ZC3H3: variants seen among roughly 807,000 people sequenced by gnomAD.
ZC3H3 encodes the protein zinc finger CCCH domain-containing protein 3.
In ZC3H3, 36 loss-of-function variants were observed where a neutral mutation model predicts 77.3. The ratio of observed to expected loss-of-function variants is 0.47; its 90% CI spans 0.36 to 0.61. The LOEUF (loss-of-function observed/expected upper bound fraction) is 0.61. Ranked by LOEUF, ZC3H3 falls within the 20% of genes least tolerant of loss-of-function variation. ZC3H3 has a pLI of 0.00. For missense variants in ZC3H3, 1,331 were observed against 1,312.2 expected, an observed-to-expected ratio of 1.01 and a Z score of -0.22; for synonymous variants, 626 against 555.2, an observed-to-expected ratio of 1.13 and a Z score of -1.79.
intron 4 of ZC3H3, among the ~76,000 whole-genome samples, chr8:143,486,654 C>T (rs1156755255): frequency 1.3e-5 from 2 of 152,058 alleles, no homozygotes; most frequent in African/African-American, 2.4e-5. Context: ...GAATGGCACC[C>T]GCTACATGAC....
At chr8:143,536,076 C>T (rs1448682250) in intron 3 of ZC3H3, among the ~76,000 whole-genome samples, 181 bp downstream of exon 3, 2 of 152,230 alleles carry the variant, frequency 1.3e-5, no homozygotes, top group Non-Finnish European at 2.9e-5. Flanking sequence ...GACTGCAGGG[C>T]GCAGCATCCG....
chr8:143,444,852 A>G (rs1819828388), intron 9 of ZC3H3, among the ~76,000 whole-genome samples: 1 of 152,216 alleles, frequency 6.6e-6, no homozygotes, highest in African/African-American at 2.4e-5. Flanking sequence ...AAGAAAAAGA[A>G]AGAAAACTTG....
intron 9 of ZC3H3, among the ~76,000 whole-genome samples, chr8:143,445,448 G>C: frequency 6.6e-6 from 1 of 150,750 alleles, no homozygotes; most frequent in African/African-American, 2.4e-5. Context: ...AGGCCAGGGC[G>C]GGAGGGTGGG....
At position 143,502,175 on chromosome 8, in the gene ZC3H3, G is replaced by A. The variant is rs139705909; in HGVS notation, c.1715+5571C>T. ...CCCAGCAACCTGGTCTCAAACGTCC[G>A]GCCCAGGACTGTGAGAAGTCAGCGT... On this transcript the variant is annotated intron_variant, in intron 4 of 11. Transcript: ENST00000262577. Among the ~76,000 whole-genome samples, 109 of 152,360 alleles carry A rather than the reference G, an allele frequency of 7.2e-4. 2 individuals carry two copies. Among genetic ancestry groups the A allele is most frequent in the African/African-American group, 2.5e-3 (104 of 41,582 alleles).
chr8:143,447,674 A>G (rs1044466396), intron 9 of ZC3H3, among the ~76,000 whole-genome samples: 2 of 152,204 alleles, frequency 1.3e-5, no homozygotes, highest in Admixed American at 1.3e-4. Context: ...AGGCCTCAGG[A>G]AGCTTCCAAT....
At chr8:143,531,702 G>A (rs531236280) in intron 3 of ZC3H3, among the ~76,000 whole-genome samples, 18 of 152,182 alleles carry the variant, frequency 1.2e-4, no homozygotes, top group African/African-American at 4.1e-4. Context: ...AAAAATGAAC[G>A]CACCTTGTCC....
intron 5 of ZC3H3, 91 bp downstream of exon 5, chr8:143,475,307 C>G: frequency 3.5e-6 from 5 of 1,429,972 alleles, no homozygotes; most frequent in Non-Finnish European, 4.7e-6. Context: ...GCAGCCACAG[C>G]ATGTTGGAGG....
In ZC3H3 at chr8:143,438,042, G is replaced by A. The variant is rs201332231; in HGVS notation, c.*14C>T. ...TGAGGGTCTGAGGTAGGTGCAGGCCGGTCCCTGGGGTCCTCACAGACGTGG... is the reference window on the plus strand; with the variant it reads ...TGAGGGTCTGAGGTAGGTGCAGGCCAGTCCCTGGGGTCCTCACAGACGTGG... On this transcript the variant is annotated 3_prime_UTR_variant, in exon 12 of 12. Coordinates refer to ENST00000262577, the MANE Select transcript of ZC3H3 (RefSeq NM_015117.3). The A allele has an allele frequency of 8.5e-5, 137 of 1,609,562 alleles. No individual in the cohort carries two copies. In the East Asian group the frequency reaches 1.4e-3, roughly 17 times the overall value.
chr8:143,500,319 C>T (rs995708802), intron 4 of ZC3H3, among the ~76,000 whole-genome samples: 2 of 152,256 alleles, frequency 1.3e-5, no homozygotes, highest in Admixed American at 6.5e-5. Flanking sequence ...GGGAGCCCCA[C>T]CCATCCAGTG....
At chr8:143,517,039 G>A (rs1822078976) in intron 3 of ZC3H3, among the ~76,000 whole-genome samples, 2 of 152,138 alleles carry the variant, frequency 1.3e-5, no homozygotes, top group South Asian at 2.1e-4. Flanking sequence ...AGCTGGAGAC[G>A]CAGCACCACC....
intron 9 of ZC3H3, among the ~76,000 whole-genome samples, chr8:143,446,114 G>A (rs1470020518): frequency 6.6e-6 from 1 of 152,120 alleles, no homozygotes; most frequent in Non-Finnish European, 1.5e-5. Flanking sequence ...TGGGCTTTTC[G>A]AGGCCAGGCG....
rs551343388 is a variant in ZC3H3, at chr8:143,533,937, G to A, written c.1561+2320C>T. 3.9e-5 allele frequency among the ~76,000 whole-genome samples: 6 copies of A among 151,994 alleles called. No individual in the cohort carries two copies. The highest frequency in any genetic ancestry group is 7.4e-5 in the Non-Finnish European group (5 of 67,998). On this transcript the variant is annotated intron_variant, in intron 3 of 11. Coordinates refer to ENST00000262577, the MANE Select transcript of ZC3H3 (RefSeq NM_015117.3). The surrounding 1 kb of genome is among the most constrained non-coding windows in gnomAD (Gnocchi z 4.0). ...GTGATCCACCCGCCTCGGCCTCCCA[G>A]TGTGCTGGGATTACAGGCATGAGCC...
At chr8:143,459,729 T>A (rs1203651226) in intron 9 of ZC3H3, among the ~76,000 whole-genome samples, 2 of 151,868 alleles carry the variant, frequency 1.3e-5, no homozygotes, top group South Asian at 4.2e-4. Context: ...TTTCAATTGA[T>A]CTACAAAAAG....
intron 4 of ZC3H3, among the ~76,000 whole-genome samples, chr8:143,481,932 C>A (rs1820918767): frequency 2.0e-5 from 3 of 152,260 alleles, no homozygotes; most frequent in Admixed American, 1.3e-4. Flanking sequence ...GAGCCCCAGG[C>A]CGGCACTGAG....
At chr8:143,529,510 CAG>C (rs1466943963) in intron 3 of ZC3H3, among the ~76,000 whole-genome samples, 4 of 152,218 alleles carry the variant, frequency 2.6e-5, no homozygotes, top group East Asian at 3.8e-4. Flanking sequence ...TCTGAGGACT[CAG>C]AGAGGTCACA....
intron 8 of ZC3H3, among the ~76,000 whole-genome samples, 170 bp downstream of exon 8, chr8:143,468,039 G>A (rs1024847992): frequency 6.6e-6 from 1 of 152,216 alleles, no homozygotes; most frequent in African/African-American, 2.4e-5. Context: ...AAGCCCAGCT[G>A]CAAAGCCTGC....
chr8:143,539,112 G>A lies in ZC3H3; in HGVS notation c.255C>T (p.Asp85=). 1.2e-6 allele frequency: 2 copies of A among 1,612,916 alleles called. No homozygotes were observed. The highest frequency in any genetic ancestry group is 1.7e-6 in the Non-Finnish European group (2 of 1,179,984). ...SLVNRPPGPS[D]PPADHAVRPL... is the part of the protein sequence containing the mutation. ...GCCGCACAGCATGGTCGGCAGGAGG[G>A]TCTGAGGGTCCCGGGGGCCGATTCA... The change falls in exon 2 of 12, where the codon GAC becomes GAT. Residue 85 remains aspartate, a synonymous_variant. Transcript: ENST00000262577.
At chr8:143,514,411 A>G (rs1438615733) in intron 3 of ZC3H3, among the ~76,000 whole-genome samples, 2 of 152,190 alleles carry the variant, frequency 1.3e-5, no homozygotes, top group African/African-American at 4.8e-5. Flanking sequence ...TGGCCCACCC[A>G]GGGCCTGCCT....
chr8:143,495,594 T>C (rs1821324430), intron 4 of ZC3H3, among the ~76,000 whole-genome samples: 1 of 152,094 alleles, frequency 6.6e-6, no homozygotes, highest in Non-Finnish European at 1.5e-5. Context: ...GTTTCTGTTG[T>C]TGTTTTTGAG....
Sources: gnomAD v4.1 joint callset for allele counts (sites outside exome capture counted in the v4.1 genomes callset) on GRCh38, gnomAD v4.1.1 for gene constraint, Gnocchi (gnomAD v3.1) non-coding constraint, MANE v1.5 for transcripts, NCBI Gene and HGNC (gene_info 2026-07-23, HGNC 2026-07-21) for gene names.